PELP1: variants seen among roughly 807,000 people sequenced by gnomAD.
The protein encoded by PELP1 is proline, glutamate and leucine rich protein 1.
In PELP1, 32 loss-of-function variants were observed where a neutral mutation model predicts 95.5. That is an observed-to-expected ratio of 0.34 (90% CI 0.25 to 0.45). The LOEUF (loss-of-function observed/expected upper bound fraction) is 0.45, where lower values mean the gene tolerates loss of function less well. PELP1 is among the 20% of genes least tolerant of loss of function. The pLI is 1.00. For missense variants in PELP1, 1,358 were observed against 1,444.8 expected (o/e 0.94, Z 0.97); for synonymous variants, 668 against 600.1 (o/e 1.11, Z -1.65).
chr17:4,704,074 G>A lies in PELP1; in HGVS notation c.38C>T (p.Ser13Phe), dbSNP rs774690747. Residue 13 changes from serine to phenylalanine, a missense_variant, in exon 1 of 17, where the codon TCC (serine) becomes TTC (phenylalanine). By Grantham distance (155) the Ser-to-Phe change is radical. Coordinates refer to ENST00000572293, the MANE Select transcript of PELP1 (RefSeq NM_014389.3). ...GGTCCCGCCAGGAACCCCAGCCGCGGAGCCCGCAGAGGGCCCACTCAGAAC... is the reference window on the plus strand; with the variant it reads ...GGTCCCGCCAGGAACCCCAGCCGCGAAGCCCGCAGAGGGCCCACTCAGAAC... ...AAVLSGPSAG[S>F]AAGVPGGTGG... is the part of the protein sequence containing the mutation. The A allele has an allele frequency of 6.2e-7, 1 of 1,611,402 alleles. No individual in the cohort carries two copies. Among genetic ancestry groups the A allele is most frequent in the Admixed American group, 1.7e-5 (1 of 59,962 alleles).
chr17:4,682,335 G>A (rs183273323), intron 5 of PELP1, among the ~76,000 whole-genome samples, 167 bp downstream of exon 5: 466 of 152,306 alleles, frequency 3.1e-3, no homozygotes, highest in Middle Eastern at 6.8e-3. Flanking sequence ...TTGGAAAAAC[G>A]AGGGTTAAAT....
Position 4,690,894 on chromosome 17 carries a change from C to T in PELP1, c.414G>A (p.Val138=). ...CVSWLRSIQQ[V]LQTQDPPATM... ...GCAGCAGCTGAAACCTCACCTGTAA[C>T]ACCTGCTGAATGCTCCGAAGCCAAG... Residue 138 remains valine (V), a synonymous_variant, in exon 3 of 17, where the codon GTG becomes GTA. Transcript: ENST00000572293. The T allele has an allele frequency of 1.2e-6, 2 of 1,609,594 alleles. No individual in the cohort carries two copies. The highest frequency in any genetic ancestry group is 1.7e-6 in the Non-Finnish European group (2 of 1,175,944).
Position 4,682,883 on chromosome 17 carries a change from G to T in PELP1, c.490C>A (p.Gln164Lys). 6.3e-7 allele frequency: 1 copy of T among 1,596,670 alleles called. No individual in the cohort carries two copies. Among genetic ancestry groups the T allele is most frequent in the Non-Finnish European group, 8.5e-7 (1 of 1,172,826 alleles). ...ATGTCCCGGAACAGTGCAGGCAGCT[G>T]GGCTGCATATCGGAGGAGGTCCCTC... Reference protein sequence around the residue: ...VLRDLLRYAAQLPALFRDISM... With the variant: ...VLRDLLRYAAKLPALFRDISM... The change falls in exon 4 of 17, where the codon CAG (glutamine) becomes AAG (lysine). Residue 164 changes from glutamine (Q) to lysine (K), a missense_variant. Transcript: ENST00000572293.
At chr17:4,684,743 G>A (rs937393591) in intron 3 of PELP1, among the ~76,000 whole-genome samples, 1 of 152,134 alleles carries the variant, frequency 6.6e-6, no homozygotes, top group Non-Finnish European at 1.5e-5. Context: ...AGCCCAGGCT[G>A]GAGTGCAGTG....
chr17:4,669,967 A>C lies in PELP1; in HGVS notation c.*1472T>G, dbSNP rs1193068981. ...TTTCACGTGGTCCCATGAAAAAAGAAATGTGTATAACTACAGATGTATAGA... is the reference window on the plus strand; with the variant it reads ...TTTCACGTGGTCCCATGAAAAAAGACATGTGTATAACTACAGATGTATAGA... On this transcript the variant is annotated 3_prime_UTR_variant, in exon 17 of 17. Transcript: ENST00000572293. 6.6e-6 allele frequency: 1 copy of C among 152,060 alleles called. No homozygotes were observed. Among genetic ancestry groups the C allele is most frequent in the Non-Finnish European group, 1.5e-5 (1 of 68,016 alleles). The allele number at this position is 152,060 out of a possible 1,614,324, so 9.4% of individuals were successfully genotyped here.
At position 4,671,690 on chromosome 17, in the gene PELP1, C is replaced by A; in HGVS notation, c.3300+1G>T. The A allele has an allele frequency of 6.3e-7, 1 of 1,577,542 alleles. No homozygotes were observed. ...GGAACCTTCCCTGCCTGGCCTCTCA[C>A]CTTTTCCTGGAGAGCTTCGGCCTCT... On this transcript the variant is annotated splice_donor_variant, in intron 16 of 16. Transcript: ENST00000572293. LOFTEE classifies it high-confidence loss of function.
intron 1 of PELP1, among the ~76,000 whole-genome samples, chr17:4,698,374 G>A (rs1913377685): frequency 6.6e-6 from 1 of 151,840 alleles, no homozygotes; most frequent in Non-Finnish European, 1.5e-5. Flanking sequence ...GGGCGCGGTG[G>A]CTCACGCCAG....
At chr17:4,684,644 A>G (rs1431356907) in intron 3 of PELP1, among the ~76,000 whole-genome samples, 1 of 152,092 alleles carries the variant, frequency 6.6e-6, no homozygotes, top group African/African-American at 2.4e-5. Flanking sequence ...CTTCCCACTG[A>G]CATTTATACA....
chr17:4,683,886 T>C (rs1912811728), intron 3 of PELP1, among the ~76,000 whole-genome samples: 1 of 140,350 alleles, frequency 7.1e-6, no homozygotes, highest in African/African-American at 2.7e-5. Context: ...TCATCCAGGC[T>C]GGAGTGCAGT....
chr17:4,687,914 T>G (rs1373025813), intron 3 of PELP1, among the ~76,000 whole-genome samples: 1 of 152,226 alleles, frequency 6.6e-6, no homozygotes, highest in Non-Finnish European at 1.5e-5. Flanking sequence ...AACCTTATAC[T>G]GAACAGGGAA....
At chr17:4,690,842 T>A (rs1380861171) in intron 3 of PELP1, 46 bp downstream of exon 3, 5 of 1,188,634 alleles carry the variant, frequency 4.2e-6, no homozygotes, top group Non-Finnish European at 6.3e-6. Flanking sequence ...AGATGGGGAA[T>A]AAGATGGGGG....
At chr17:4,691,221 A>G in intron 2 of PELP1, 157 bp downstream of exon 2, 1 of 670,624 alleles carries the variant, frequency 1.5e-6, no homozygotes, top group Non-Finnish European at 2.6e-6. Context: ...TAGGGTTCAA[A>G]TCAAGTGAGC....
At chr17:4,685,078 G>A (rs1323196061) in intron 3 of PELP1, among the ~76,000 whole-genome samples, 3 of 152,078 alleles carry the variant, frequency 2.0e-5, no homozygotes, top group South Asian at 2.1e-4. Flanking sequence ...CCAGCATCTC[G>A]AAAAGATTTC....
chr17:4,671,051 T>C lies in PELP1; in HGVS notation c.*388A>G, dbSNP rs1259015262. Reference sequence around the variant, plus strand: ...ACGCATGCGTGTGGGCATGTGGGTGTTGACACAGGTCCACTCACTAGGATG... The same window carrying C: ...ACGCATGCGTGTGGGCATGTGGGTGCTGACACAGGTCCACTCACTAGGATG... On this transcript the variant is annotated 3_prime_UTR_variant, in exon 17 of 17. Coordinates refer to ENST00000572293, the MANE Select transcript of PELP1 (RefSeq NM_014389.3). 1 of 236,600 alleles carries C rather than the reference T, an allele frequency of 4.2e-6. No homozygotes were observed. Among genetic ancestry groups the C allele is most frequent in the Non-Finnish European group, 8.2e-6 (1 of 122,192 alleles). 14.7% of individuals were successfully genotyped at this position (236,600 alleles called of 1,614,324 possible). A position where few individuals can be genotyped will look rare whatever the true frequency, so the allele number is the denominator to read the frequency against.
intron 5 of PELP1, among the ~76,000 whole-genome samples, chr17:4,679,043 T>C (rs1315158657): frequency 6.6e-6 from 1 of 151,880 alleles, no homozygotes; most frequent in Non-Finnish European, 1.5e-5. Context: ...TTTTTTTTTT[T>C]TGAGACAGGG....
intron 1 of PELP1, among the ~76,000 whole-genome samples, chr17:4,693,230 T>C (rs886523169): frequency 1.3e-5 from 2 of 152,158 alleles, no homozygotes; most frequent in Non-Finnish European, 2.9e-5. Context: ...CACAACAACT[T>C]GTACATGGAC....
rs1197550983 is a variant in PELP1 at position 4,683,557 on chromosome 17, G to A, written c.421-605C>T. Among the ~76,000 whole-genome samples, 27 of 92,536 alleles carry A rather than the reference G, an allele frequency of 2.9e-4. No individual in the cohort carries two copies. The South Asian group carries it at 0.011, about 36-fold the overall frequency. 60.7% of individuals were successfully genotyped at this position (92,536 alleles called of 152,430 possible). On this transcript the variant is annotated intron_variant, in intron 3 of 16. Transcript: ENST00000572293. The stretch of plus-strand genomic sequence containing the variant: ...TTTTTTTTTTTTTTTTTGAGACAGA[G>A]TCTTGCTCTGTCCCCCAGGGTGGAA...
At chr17:4,696,253 C>A (rs1265472484) in intron 1 of PELP1, among the ~76,000 whole-genome samples, 1 of 152,114 alleles carries the variant, frequency 6.6e-6, no homozygotes, top group Non-Finnish European at 1.5e-5. Context: ...GGCTGCTTGA[C>A]CCCGGGAGGT....
chr17:4,701,227 G>A lies in PELP1; in HGVS notation c.249+2636C>T, dbSNP rs371471318. On this transcript the variant is annotated intron_variant, in intron 1 of 16. Coordinates refer to ENST00000572293, the MANE Select transcript of PELP1 (RefSeq NM_014389.3). Reference sequence around the variant, plus strand: ...TGTGAAATAAATAAACAGACAGTAGGATAAAGAGCAGTCAATCATAGGTGG... The same window carrying A: ...TGTGAAATAAATAAACAGACAGTAGAATAAAGAGCAGTCAATCATAGGTGG... 3.3e-5 allele frequency among the ~76,000 whole-genome samples: 5 copies of A among 149,768 alleles called. No homozygotes were observed. In the East Asian group the frequency reaches 9.9e-4, roughly 30 times the overall value.
Sources: allele counts gnomAD v4.1 joint callset (sites outside exome capture counted in the v4.1 genomes callset), GRCh38; gene constraint gnomAD v4.1.1; transcripts MANE v1.5; gene names NCBI Gene and HGNC (gene_info 2026-07-23, HGNC 2026-07-21).